Variants in KIAA0319L observed in about 807,000 individuals in gnomAD.
The protein encoded by KIAA0319L is dyslexia-associated protein KIAA0319-like protein.
KIAA0319L carries 55 observed loss-of-function variants against 120.1 expected under a neutral mutation model. The observed-to-expected ratio is 0.46, with a 90% CI of 0.37 to 0.57. KIAA0319L has a LOEUF of 0.57. Among genes scored for constraint, KIAA0319L ranks in the 20% least tolerant of loss-of-function variants. KIAA0319L has a pLI of 0.00. For synonymous variants in KIAA0319L, 398 were observed against 471.9 expected, an observed-to-expected ratio of 0.84 and a Z score of 2.03; for missense variants, 1,049 against 1,255.3, an observed-to-expected ratio of 0.84 and a Z score of 2.48.
chr1:35,522,548 G>A (rs1447426434), intron 2 of KIAA0319L, among the ~76,000 whole-genome samples: 2 of 152,066 alleles, frequency 1.3e-5, no homozygotes, highest in Admixed American at 6.6e-5. Context: ...AAAGTGCTGG[G>A]ATTACAGGCG....
At chr1:35,484,755 TA>T (rs1644297353) in intron 3 of KIAA0319L, among the ~76,000 whole-genome samples, 1 of 142,894 alleles carries the variant, frequency 7.0e-6, no homozygotes, top group Non-Finnish European at 1.5e-5. Flanking sequence ...GAACACGATT[TA>T]AGTTTTTAAT....
chr1:35,480,807 T>C (rs1337382028), intron 3 of KIAA0319L, among the ~76,000 whole-genome samples: 1 of 151,910 alleles, frequency 6.6e-6, no homozygotes, highest in African/African-American at 2.4e-5. Context: ...ATCAAATTGG[T>C]TGAAATATAA....
intron 3 of KIAA0319L, among the ~76,000 whole-genome samples, chr1:35,487,464 A>T (rs1430572385): frequency 1.3e-5 from 2 of 152,198 alleles, no homozygotes; most frequent in East Asian, 3.9e-4. Flanking sequence ...CATGTTGGCC[A>T]GGCTGGTCTC....
intron 2 of KIAA0319L, among the ~76,000 whole-genome samples, chr1:35,508,539 G>A (rs573922645): frequency 6.6e-6 from 1 of 152,000 alleles, no homozygotes; most frequent in East Asian, 1.9e-4. Context: ...GCCAGCACTG[G>A]CACCAACCTA....
chr1:35,493,959 C>T (rs1163290719), intron 3 of KIAA0319L, among the ~76,000 whole-genome samples: 5 of 152,118 alleles, frequency 3.3e-5, no homozygotes, highest in Non-Finnish European at 7.4e-5. Context: ...GCTCATGGGT[C>T]TGAAAATCCA....
chr1:35,451,271 C>T lies in KIAA0319L; in HGVS notation c.2062+357G>A, dbSNP rs112340041. ...GTGTCACTGTAGCTAACAGGAGTCA[C>T]GGCCCAGGTCTCAGCAATGCAGAGG... On this transcript the variant is annotated intron_variant, in intron 13 of 20. Coordinates refer to ENST00000325722, the MANE Select transcript of KIAA0319L (RefSeq NM_024874.5). Among the ~76,000 whole-genome samples the T allele has an allele frequency of 6.6e-5, 10 of 152,254 alleles. No homozygotes were observed. The South Asian group carries it at 1.7e-3, about 25-fold the overall frequency.
At chr1:35,454,843 A>C (rs1194682679) in intron 10 of KIAA0319L, 1 of 207,026 alleles carries the variant, frequency 4.8e-6, no homozygotes, top group East Asian at 1.1e-4. Flanking sequence ...AGTTTTAAAA[A>C]CACTGTTTAA....
chr1:35,507,625 C>A (rs2148404585), intron 2 of KIAA0319L, among the ~76,000 whole-genome samples: 2 of 152,232 alleles, frequency 1.3e-5, no homozygotes, highest in Non-Finnish European at 2.9e-5. Flanking sequence ...GAACAGTTTC[C>A]CCAGCAAACT....
At chr1:35,445,851 C>T (rs1048075521) in intron 16 of KIAA0319L, among the ~76,000 whole-genome samples, 2 of 152,188 alleles carry the variant, frequency 1.3e-5, no homozygotes, top group Non-Finnish European at 2.9e-5. Flanking sequence ...AACCCAGAAG[C>T]TTCTCTCTTG....
chr1:35,444,215 G>A lies in KIAA0319L; in HGVS notation c.2602C>T (p.Arg868Trp), dbSNP rs749736814. The change falls in exon 17 of 21, where the codon CGG (arginine) becomes TGG (tryptophan). Residue 868 changes from arginine to tryptophan, a missense_variant. Arg to Trp is a moderately radical substitution (Grantham distance 101, BLOSUM62 -3). Transcript: ENST00000325722. Reference sequence around the variant, plus strand: ...ATCAAAAAGTCTGCCTTTTGCTTCCGCAGCTCACTCTTGAGCATCGCTGCC... The same window carrying A: ...ATCAAAAAGTCTGCCTTTTGCTTCCACAGCTCACTCTTGAGCATCGCTGCC... ...EVAAMLKSEL[R>W]KQKADFLIFR... The A allele has an allele frequency of 1.5e-5, 24 of 1,608,908 alleles. No homozygotes were observed. Among genetic ancestry groups the A allele is most frequent in the Non-Finnish European group, 2.0e-5 (23 of 1,177,926 alleles).
rs1642450850 is a variant in KIAA0319L, at chr1:35,456,292, GA to G, written c.1428-52del. The G allele has an allele frequency of 3.3e-6, 4 of 1,202,526 alleles. No homozygotes were observed. In the East Asian group the frequency reaches 9.6e-5, roughly 29 times the overall value. 74.5% of individuals were successfully genotyped at this position (1,202,526 alleles called of 1,614,324 possible). A position where few individuals can be genotyped will look rare whatever the true frequency, so the allele number is the denominator to read the frequency against. ...ATCAGGGACGGGTTTAAGGAAAGAGGAATAAACACTAGAAGACTGAAAATTA... is the reference window on the plus strand; with the variant it reads ...ATCAGGGACGGGTTTAAGGAAAGAGGATAAACACTAGAAGACTGAAAATTA... On this transcript the variant is annotated intron_variant, in intron 9 of 20. Transcript: ENST00000325722.
chr1:35,435,136 AC>A, intron 20 of KIAA0319L, 55 bp from the exon 21 acceptor site: 1 of 1,502,072 alleles, frequency 6.7e-7, no homozygotes, highest in Non-Finnish European at 9.2e-7. Context: ...GGCTGGAGCC[AC>A]CCCCACACCT....
chr1:35,477,688 A>G (rs1643959804), intron 4 of KIAA0319L, among the ~76,000 whole-genome samples: 1 of 144,690 alleles, frequency 6.9e-6, no homozygotes, highest in African/African-American at 2.7e-5. Context: ...AAAAAAAAAA[A>G]CCTACAGTGA....
intron 11 of KIAA0319L, chr1:35,454,150 C>A: frequency 1.9e-6 from 1 of 516,904 alleles, no homozygotes. Flanking sequence ...AACAACAAGC[C>A]AAGGGAAGGG....
chr1:35,484,895 G>A (rs1157605890), intron 3 of KIAA0319L, among the ~76,000 whole-genome samples: 5 of 146,934 alleles, frequency 3.4e-5, no homozygotes, highest in African/African-American at 1.3e-4. Flanking sequence ...ATGCTGGTGC[G>A]CTGCACCCAC....
At chr1:35,448,365 A>G in intron 15 of KIAA0319L, 33 bp from the exon 16 acceptor site, 1 of 1,601,818 alleles carries the variant, frequency 6.2e-7, no homozygotes, top group East Asian at 2.2e-5. Flanking sequence ...ATGGCTTTAG[A>G]AGTAGGAGAG....
intron 2 of KIAA0319L, among the ~76,000 whole-genome samples, chr1:35,550,679 A>T (rs1390428783): frequency 6.6e-6 from 1 of 152,074 alleles, no homozygotes; most frequent in Non-Finnish European, 1.5e-5. Context: ...GCATAACTTG[A>T]TTTTATCATT....
rs1642210495 is a variant in KIAA0319L at position 35,453,518 on chromosome 1, G to A, written c.1913+39C>T. 6 of 1,608,694 alleles carry A rather than the reference G, an allele frequency of 3.7e-6. No homozygotes were observed. Among genetic ancestry groups the A allele is most frequent in the Admixed American group, 3.3e-5 (2 of 59,934 alleles). ...TAAAACCTTGCTCTTCCAAGGTCTG[G>A]AGGCTTTGCAAAAATAAGGATTTTG... On this transcript the variant is annotated intron_variant, in intron 12 of 20. Transcript: ENST00000325722. This position sits in a 1 kb window ranked among gnomAD's most constrained non-coding sequence, Gnocchi z 4.1.
chr1:35,441,034 C>T lies in KIAA0319L; in HGVS notation c.2962+13G>A, dbSNP rs1362592474. 3 of 1,611,758 alleles carry T rather than the reference C, an allele frequency of 1.9e-6. No individual in the cohort carries two copies. The highest frequency in any genetic ancestry group is 2.2e-5 in the South Asian group (2 of 91,032). ...TGCACAGACCTAGAAGCTCTGGCAC[C>T]CAGGGCCCCTACCTGCTCGGGAGGT... On this transcript the variant is annotated intron_variant, in intron 20 of 20. Coordinates refer to ENST00000325722, the MANE Select transcript of KIAA0319L (RefSeq NM_024874.5).
Sources: gnomAD v4.1 joint callset for allele counts (sites outside exome capture counted in the v4.1 genomes callset) on GRCh38, gnomAD v4.1.1 for gene constraint, Gnocchi (gnomAD v3.1) non-coding constraint, MANE v1.5 for transcripts, NCBI Gene and HGNC (gene_info 2026-07-23, HGNC 2026-07-21) for gene names.